Variants in ABCA8 observed in about 807,000 individuals in gnomAD.
ABCA8 encodes ABC-type organic anion transporter ABCA8.
Under a neutral mutation model 192.3 loss-of-function variants are expected in ABCA8, and 177 were observed. The ratio of observed to expected loss-of-function variants is 0.92; its 90% CI spans 0.81 to 1.04. ABCA8 has a LOEUF of 1.04. Among genes scored for constraint, ABCA8 ranks in the 50% least tolerant of loss-of-function variants. ABCA8 has a pLI of 0.00. For synonymous variants in ABCA8, 642 were observed against 690.2 expected (o/e 0.93, Z 1.09); for missense variants, 1,915 against 1,904.8 (o/e 1.01, Z -0.10).
At position 68,940,773 on chromosome 17, in the gene ABCA8, T is replaced by G; in HGVS notation, c.286A>C (p.Thr96Pro). 1 of 1,613,076 alleles carries G rather than the reference T, an allele frequency of 6.2e-7. No individual in the cohort carries two copies. Among genetic ancestry groups the G allele is most frequent in the Non-Finnish European group, 8.5e-7 (1 of 1,179,292 alleles). Residue 96 changes from threonine to proline, a missense_variant, in exon 4 of 40, where the codon ACT becomes CCT. Coordinates refer to ENST00000586539, the MANE Select transcript of ABCA8 (RefSeq NM_001288985.2). ...GAAAACTTACCTGCCAGGAAGGGAG[T>G]AGAGGCTACTTTATTCATTATCTGT... ...TQQIMNKVASTPFLAGKEVLG... is the reference protein window; with the variant it reads ...TQQIMNKVASPPFLAGKEVLG...
At chr17:68,919,270 C>A (rs1338461225) in intron 14 of ABCA8, 31 bp downstream of exon 14, 1 of 1,554,936 alleles carries the variant, frequency 6.4e-7, no homozygotes, top group African/African-American at 1.4e-5. Context: ...CTCATTTTGA[C>A]CAACACATTA....
chr17:68,935,733 T>C (rs2068049183), intron 5 of ABCA8, among the ~76,000 whole-genome samples: 1 of 151,872 alleles, frequency 6.6e-6, no homozygotes, highest in African/African-American at 2.4e-5. Flanking sequence ...CTGGATCAAA[T>C]GGTAGTTTGT....
intron 4 of ABCA8, among the ~76,000 whole-genome samples, chr17:68,938,820 A>C (rs779478928): frequency 6.6e-6 from 1 of 152,140 alleles, no homozygotes; most frequent in Admixed American, 6.6e-5. Context: ...TTCTACCTCC[A>C]TTTGTTAATG....
chr17:68,918,545 A>G lies in ABCA8; in HGVS notation c.1790T>C (p.Ile597Thr). The G allele has an allele frequency of 6.7e-7, 1 of 1,494,256 alleles. No individual in the cohort carries two copies. Among genetic ancestry groups the G allele is most frequent in the Non-Finnish European group, 8.8e-7 (1 of 1,133,256 alleles). 92.6% of individuals were successfully genotyped at this position (1,494,256 alleles called of 1,614,324 possible). The change falls in exon 15 of 40, where the codon ATA becomes ACA. Residue 597 changes from isoleucine (I) to threonine (T), a missense_variant and splice_region_variant. Coordinates refer to ENST00000586539, the MANE Select transcript of ABCA8 (RefSeq NM_001288985.2). ...GILPQEVDKE[I>T]QRVLLELEMK... ...TTCCAATTCCAGCAGAACCCTTTGT[A>G]TCTAACCAAAAGACAGTATTTATGT...
chr17:68,914,097 C>A (rs2067290384), intron 17 of ABCA8, among the ~76,000 whole-genome samples: 1 of 152,080 alleles, frequency 6.6e-6, no homozygotes, highest in South Asian at 2.1e-4. Context: ...TGATAAAATT[C>A]AACATCTCTT....
Position 68,882,633 on chromosome 17 carries a change from GT to G in ABCA8, c.3793del (p.Thr1265GlnfsTer5), listed in dbSNP as rs1567825093. 8.7e-6 allele frequency: 14 copies of G among 1,612,602 alleles called. No individual in the cohort carries two copies. In the South Asian group the frequency reaches 1.5e-4, roughly 18 times the overall value. On this transcript the variant is annotated frameshift_variant, in exon 30 of 40. Coordinates refer to ENST00000586539, the MANE Select transcript of ABCA8 (RefSeq NM_001288985.2). LOFTEE classifies it high-confidence loss of function. ...DEDVQMERVR[T>X]ANALNSTNFD... ...ATTAGTAGAATTCAAGGCATTTGCT[GT>G]TCTCACTCTTTCCATCTGAACATCT...
intron 1 of ABCA8, among the ~76,000 whole-genome samples, chr17:68,952,518 A>G (rs1264035900): frequency 6.6e-6 from 1 of 152,218 alleles, no homozygotes; most frequent in Non-Finnish European, 1.5e-5. Context: ...TACAAAGTAG[A>G]TTCATTTTTT....
rs375564696 is a variant in ABCA8 at position 68,907,791 on chromosome 17, C to A, written c.2227G>T (p.Glu743Ter). ...IPDAKLSAKS[E>*]GKLIYTLPLE... Reference sequence around the variant, plus strand: ...GGTAATGTATAAATAAGTTTTCCTTCGCTTTTGGCTGATAATTTGGCATCA... The same window carrying A: ...GGTAATGTATAAATAAGTTTTCCTTAGCTTTTGGCTGATAATTTGGCATCA... Residue 743 changes from glutamate to a stop codon, truncating the protein, a stop_gained, in exon 18 of 40, where the codon GAA (glutamate) becomes TAA (stop). Transcript: ENST00000586539. LOFTEE classifies it high-confidence loss of function. The A allele has an allele frequency of 2.5e-6, 4 of 1,608,300 alleles. No individual in the cohort carries two copies. The highest frequency in any genetic ancestry group is 3.4e-6 in the Non-Finnish European group (4 of 1,177,436).
intron 19 of ABCA8, among the ~76,000 whole-genome samples, chr17:68,903,737 T>C (rs1306180509): frequency 1.3e-5 from 2 of 151,984 alleles, no homozygotes; most frequent in Non-Finnish European, 2.9e-5. Flanking sequence ...TCAAGATAAA[T>C]AGGCAAGGTC....
chr17:68,886,049 A>C (rs2066452666), intron 26 of ABCA8, among the ~76,000 whole-genome samples: 1 of 152,218 alleles, frequency 6.6e-6, no homozygotes, highest in Non-Finnish European at 1.5e-5. Context: ...ACTAAAATAC[A>C]AAATTAGGGA....
At position 68,909,065 on chromosome 17, in the gene ABCA8, G is replaced by A. The variant is rs570353144; in HGVS notation, c.2139-1186C>T. ...CTGGAAGAGTGAAGCAAAAAATGTC[G>A]TAGCTGTTTTCCATGATGCTGACTC... is the stretch of plus-strand genomic sequence containing the variant. On this transcript the variant is annotated intron_variant, in intron 17 of 39. Transcript: ENST00000586539. 7.9e-5 allele frequency among the ~76,000 whole-genome samples: 12 copies of A among 152,212 alleles called. No individual in the cohort carries two copies. In the South Asian group the frequency reaches 8.3e-4, roughly 11 times the overall value.
At chr17:68,899,384 T>C (rs1284754090) in intron 21 of ABCA8, among the ~76,000 whole-genome samples, 1 of 152,012 alleles carries the variant, frequency 6.6e-6, no homozygotes, top group East Asian at 1.9e-4. Flanking sequence ...TAAATTTCAT[T>C]GATACAAATT....
At chr17:68,920,756 T>C (rs1184559959) in intron 13 of ABCA8, among the ~76,000 whole-genome samples, 2 of 152,136 alleles carry the variant, frequency 1.3e-5, no homozygotes, top group East Asian at 3.9e-4. Context: ...TTGGTGGGAC[T>C]GTAAACGAGT....
At chr17:68,888,942 C>A (rs2066560260) in intron 24 of ABCA8, among the ~76,000 whole-genome samples, 1 of 152,138 alleles carries the variant, frequency 6.6e-6, no homozygotes, top group South Asian at 2.1e-4. Context: ...GAATGAGAAT[C>A]TCCAAAGGAG....
chr17:68,868,475 T>A, intron 38 of ABCA8, 119 bp from the exon 39 acceptor site: 1 of 829,372 alleles, frequency 1.2e-6, no homozygotes, highest in Non-Finnish European at 1.9e-6. Flanking sequence ...GTAATATTCA[T>A]TCATGTCTTA....
Position 68,925,035 on chromosome 17 carries a change from A to C in ABCA8, c.1274-166T>G, listed in dbSNP as rs142792033. Among the ~76,000 whole-genome samples the C allele has an allele frequency of 1.4e-3, 213 of 152,358 alleles. 3 individuals carry two copies. The highest frequency in any genetic ancestry group is 5.0e-3 in the African/African-American group (210 of 41,588). On this transcript the variant is annotated intron_variant, in intron 10 of 39. Transcript: ENST00000586539. ...CATGTAGCTTCATAAGGAAAAAAAA[A>C]TACCAGATGTCTCTACTATAATAAA... is the stretch of plus-strand genomic sequence containing the variant.
chr17:68,907,879 GCTGGCATTC>G lies in ABCA8; in HGVS notation c.2139-9_2139-1del. 1 of 1,543,780 alleles carries G rather than the reference GCTGGCATTC, an allele frequency of 6.5e-7. No homozygotes were observed. Among genetic ancestry groups the G allele is most frequent in the Admixed American group, 2.2e-5 (1 of 46,408 alleles). ...CAACACATATTTCATTTAACTGCAAGCTGGCATTCAGAAAAAAAAAAAAAGACATATGTT... is the reference window on the plus strand; with the variant it reads ...CAACACATATTTCATTTAACTGCAAGAGAAAAAAAAAAAAAGACATATGTT... On this transcript the variant is annotated splice_acceptor_variant and splice_polypyrimidine_tract_variant and intron_variant, in intron 17 of 39. Transcript: ENST00000586539. LOFTEE classifies it high-confidence loss of function.
chr17:68,887,581 A>G, intron 24 of ABCA8, 75 bp from the exon 25 acceptor site: 1 of 1,199,848 alleles, frequency 8.3e-7, no homozygotes, highest in Non-Finnish European at 1.2e-6. Flanking sequence ...TATTCAAACA[A>G]AACCTTTATT....
intron 17 of ABCA8, among the ~76,000 whole-genome samples, chr17:68,912,035 A>G (rs1598245791): frequency 6.6e-6 from 1 of 151,926 alleles, no homozygotes; most frequent in South Asian, 2.1e-4. Context: ...TAAATACCTA[A>G]CTCCTCAATG....
Sources: gnomAD v4.1 joint callset for allele counts (sites outside exome capture counted in the v4.1 genomes callset) on GRCh38, gnomAD v4.1.1 for gene constraint, MANE v1.5 for transcripts, NCBI Gene and HGNC (gene_info 2026-07-23, HGNC 2026-07-21) for gene names.